Variants in IGSF10 observed in about 807,000 individuals in gnomAD.
IGSF10 encodes immunoglobulin superfamily member 10, also known as calvaria mechanical force protein 608.
Under a neutral mutation model 128.2 loss-of-function variants are expected in IGSF10, and 126 were observed. The observed-to-expected ratio is 0.98, with a 90% CI of 0.85 to 1.14. The LOEUF is 1.14. IGSF10 is among the 50% of genes most tolerant of loss of function. The pLI, the probability that IGSF10 is intolerant of heterozygous loss-of-function variation, is 0.00. For missense variants in IGSF10, 3,295 were observed against 3,149.8 expected, an observed-to-expected ratio of 1.05 and a Z score of -1.10; for synonymous variants, 1,185 against 1,146.2, an observed-to-expected ratio of 1.03 and a Z score of -0.68.
upstream of IGSF10, among the ~76,000 whole-genome samples, chr3:151,465,751 A>G (rs1475767506): frequency 6.6e-6 from 1 of 152,106 alleles, no homozygotes; most frequent in Non-Finnish European, 1.5e-5. Context: ...TGGTGCTGTT[A>G]CAGCAAACTA....
At chr3:151,495,219 A>G in the IGSF10 span, among the ~76,000 whole-genome samples, 6 of 152,178 alleles carry the variant, frequency 3.9e-5, no homozygotes, top group African/African-American at 1.4e-4. Context: ...ACATCATTCC[A>G]AAGCTGCAAC....
chr3:151,479,089 T>C, the IGSF10 span, among the ~76,000 whole-genome samples: 2 of 152,192 alleles, frequency 1.3e-5, no homozygotes, highest in Non-Finnish European at 2.9e-5. Context: ...AGCAGCAAGA[T>C]ATTTTCAAAT....
rs777809602 is a variant in IGSF10, at chr3:151,445,767, GA to G, written c.4213del (p.Ser1405GlnfsTer13). ...TCTTGAATGAAAACTGATTGTGCTT[GA>G]AATCCCAGTTGTGTTTTCTGGTGGG... ...HSPPENTTGI[S>X]STISFHSRTL... On this transcript the variant is annotated frameshift_variant, in exon 6 of 8. Transcript: ENST00000282466. LOFTEE classifies it high-confidence loss of function. 1 of 1,614,240 alleles carries G rather than the reference GA, an allele frequency of 6.2e-7. No homozygotes were observed. The highest frequency in any genetic ancestry group is 1.1e-5 in the South Asian group (1 of 91,084).
At chr3:151,607,073 G>A in the IGSF10 span, among the ~76,000 whole-genome samples, 2 of 152,256 alleles carry the variant, frequency 1.3e-5, no homozygotes, top group East Asian at 1.9e-4. Context: ...AGGAGAGTTG[G>A]ATTAGATTAT....
At chr3:151,499,783 T>C in the IGSF10 span, 13 of 152,060 alleles carry the variant, frequency 8.5e-5, no homozygotes, top group Non-Finnish European at 1.8e-4. Flanking sequence ...TTGTCTGAGC[T>C]CTGAAAACTG....
chr3:151,598,070 G>GGTGTGTGTGT, the IGSF10 span, among the ~76,000 whole-genome samples: 1,513 of 137,754 alleles, frequency 0.011, 22 homozygotes, highest in African/African-American at 0.023. Context: ...AATGAGTACT[G>GGTGTGTGTGT]GTGTGTGTGT....
chr3:151,442,769 G>C lies in IGSF10; in HGVS notation c.5963+215C>G, dbSNP rs74958405. Among the ~76,000 whole-genome samples the C allele has an allele frequency of 5.5e-3, 840 of 152,204 alleles. 2 individuals carry two copies. The highest frequency in any genetic ancestry group is 0.019 in the African/African-American group (776 of 41,540). ...TCTGCCTAAAATATAAAAACCCTAA[G>C]AAGTTGACCCTTTGAGTTAAGCATG... On this transcript the variant is annotated intron_variant, in intron 7 of 7. Coordinates refer to ENST00000282466, the MANE Select transcript of IGSF10 (RefSeq NM_178822.5).
At chr3:151,511,867 A>T in the IGSF10 span, among the ~76,000 whole-genome samples, 1 of 152,252 alleles carries the variant, frequency 6.6e-6, no homozygotes, top group African/African-American at 2.4e-5. Context: ...GAGACAAAGA[A>T]GGCCATTACA....
chr3:151,591,567 G>T, the IGSF10 span, among the ~76,000 whole-genome samples: 1 of 151,732 alleles, frequency 6.6e-6, no homozygotes, highest in South Asian at 2.1e-4. Flanking sequence ...ATCATAAATA[G>T]AAATTACCTT....
At chr3:151,438,642 G>A in intron 7 of IGSF10, 45 bp from the exon 8 acceptor site, 5 of 1,481,904 alleles carry the variant, frequency 3.4e-6, no homozygotes, top group Non-Finnish European at 4.6e-6. Context: ...TGTTAGCAAT[G>A]AGGGAAACTG....
the IGSF10 span, among the ~76,000 whole-genome samples, chr3:151,593,994 G>A: frequency 5.6e-5 from 5 of 88,504 alleles, no homozygotes; most frequent in East Asian, 2.1e-3. Context: ...AATGAATACG[G>A]CAGATCAGAA....
chr3:151,616,965 T>C, the IGSF10 span, among the ~76,000 whole-genome samples: 4 of 152,274 alleles, frequency 2.6e-5, no homozygotes, highest in East Asian at 7.7e-4. Flanking sequence ...GGACATCACA[T>C]AGTGAGAAGG....
At chr3:151,559,705 A>T in the IGSF10 span, among the ~76,000 whole-genome samples, 1 of 152,078 alleles carries the variant, frequency 6.6e-6, no homozygotes, top group Admixed American at 6.6e-5. Flanking sequence ...GGAGTAGAGG[A>T]TAGGGGAGGG....
At chr3:151,566,212 G>A in the IGSF10 span, among the ~76,000 whole-genome samples, 2 of 152,086 alleles carry the variant, frequency 1.3e-5, no homozygotes, top group Non-Finnish European at 2.9e-5. Context: ...TGATAAACAT[G>A]ATAGTTTATG....
the IGSF10 span, among the ~76,000 whole-genome samples, chr3:151,480,921 G>A: frequency 2.0e-5 from 3 of 152,230 alleles, no homozygotes; most frequent in African/African-American, 7.2e-5. Flanking sequence ...GGAGAAATGT[G>A]TCTTCAGCCT....
chr3:151,534,602 C>T, the IGSF10 span, among the ~76,000 whole-genome samples: 3 of 131,872 alleles, frequency 2.3e-5, no homozygotes, highest in Non-Finnish European at 1.5e-5. Context: ...GGGAGTTGAA[C>T]AATGAGAACA....
chr3:151,556,072 G>A, the IGSF10 span, among the ~76,000 whole-genome samples: 5 of 152,118 alleles, frequency 3.3e-5, no homozygotes, highest in Non-Finnish European at 5.9e-5. Flanking sequence ...GCAGTCTGAC[G>A]GAACTGCTCT....
chr3:151,546,778 CT>C, the IGSF10 span, among the ~76,000 whole-genome samples: 4 of 151,812 alleles, frequency 2.6e-5, no homozygotes, highest in Non-Finnish European at 4.4e-5. Context: ...CTCCATATTT[CT>C]TTTTTTTGAG....
At chr3:151,491,728 GA>G in the IGSF10 span, among the ~76,000 whole-genome samples, 4 of 152,128 alleles carry the variant, frequency 2.6e-5, no homozygotes, top group Non-Finnish European at 1.5e-5. Context: ...AACATTCAAA[GA>G]AGAATATCAG....
Sources: gnomAD v4.1 joint callset for allele counts (sites outside exome capture counted in the v4.1 genomes callset) on GRCh38, gnomAD v4.1.1 for gene constraint, MANE v1.5 for transcripts, NCBI Gene and HGNC (gene_info 2026-07-23, HGNC 2026-07-21) for gene names.